CFAP92: variants seen among roughly 807,000 people sequenced by gnomAD.
CFAP92 encodes cilia and flagella associated protein 92 (putative).
A neutral mutation model predicts 106.3 loss-of-function variants in CFAP92; 86 were observed. The observed-to-expected ratio is 0.81, with a 90% CI of 0.68 to 0.97. The LOEUF (loss-of-function observed/expected upper bound fraction) is 0.97. Ranked by LOEUF, CFAP92 falls within the 50% of genes least tolerant of loss-of-function variation. The probability of loss-of-function intolerance (pLI) is 0.00; values close to 1 mark genes in which losing one functional copy is unlikely to be tolerated. For missense variants in CFAP92, 1,204 were observed against 1,283.8 expected, an observed-to-expected ratio of 0.94 and a Z score of 0.95; for synonymous variants, 477 against 506.4, an observed-to-expected ratio of 0.94 and a Z score of 0.78.
the CFAP92 span, among the ~76,000 whole-genome samples, chr3:129,020,289 C>T: frequency 2.0e-5 from 3 of 152,120 alleles, no homozygotes; most frequent in Non-Finnish European, 2.9e-5. Context: ...GCACATACAT[C>T]CCTAATTTAG....
intron 8 of CFAP92, chr3:128,969,791 T>C (rs718612): frequency 0.21 from 32,076 of 152,202 alleles, 3,713 homozygotes; most frequent in Middle Eastern, 0.27. Flanking sequence ...AAAGCTACTG[T>C]GTGCAATAGG....
chr3:128,935,223 G>T lies in CFAP92; in HGVS notation c.2355C>A (p.Tyr785Ter), dbSNP rs940590165. ...CCGTGGGCTGGAAGAGGTGCACGTGGTACAGGATGGCCTCCAGGTCCCCAT... is the reference window on the plus strand; with the variant it reads ...CCGTGGGCTGGAAGAGGTGCACGTGTTACAGGATGGCCTCCAGGTCCCCAT... ...RLYGDLEAIL[Y>*]HVHLFQPTEL... Residue 785 changes from tyrosine to a stop codon, truncating the protein, a stop_gained, in exon 11 of 16, where the codon TAC (tyrosine) becomes TAA (stop). Coordinates refer to ENST00000645291, the MANE Select transcript of CFAP92 (RefSeq NM_001394090.1). LOFTEE classifies it high-confidence loss of function. The T allele has an allele frequency of 6.5e-7, 1 of 1,536,058 alleles. No individual in the cohort carries two copies. Among genetic ancestry groups the T allele is most frequent in the South Asian group, 1.2e-5 (1 of 84,052 alleles).
chr3:128,956,196 T>TAAATAA (rs1941372225), intron 9 of CFAP92, among the ~76,000 whole-genome samples: 2 of 61,714 alleles, frequency 3.2e-5, no homozygotes, highest in African/African-American at 9.2e-5. Context: ...AAAAAAAAAA[T>TAAATAA]AAAAAAAAAA....
At position 128,945,684 on chromosome 3, in the gene CFAP92, C is replaced by G. The variant is rs1419829278; in HGVS notation, c.1645G>C (p.Glu549Gln). ...TTCTGGGACTCAAAGGGGTTGTTCT[C>G]TGTCTCTCTGGGAGAGATGAGGGCC... ...FQALISPRET[E>Q]NNPFESQNKM... The change falls in exon 10 of 16, where the codon GAG becomes CAG. Residue 549 changes from glutamate to glutamine, a missense_variant. Glu to Gln is a conservative substitution (Grantham distance 29, BLOSUM62 2). Transcript: ENST00000645291. 3 of 1,535,972 alleles carry G rather than the reference C, an allele frequency of 2.0e-6. No homozygotes were observed. The highest frequency in any genetic ancestry group is 2.7e-5 in the African/African-American group (2 of 73,016).
Position 128,945,053 on chromosome 3 carries a change from G to T in CFAP92, c.2258+18C>A. ...AGATGCCATCATTTTTATGTAAAAT[G>T]TAAAACAAACCACCTACCAGCTTTG... On this transcript the variant is annotated intron_variant, in intron 10 of 15. Coordinates refer to ENST00000645291, the MANE Select transcript of CFAP92 (RefSeq NM_001394090.1). 6.7e-7 allele frequency: 1 copy of T among 1,490,588 alleles called. No individual in the cohort carries two copies. Among genetic ancestry groups the T allele is most frequent in the South Asian group, 1.3e-5 (1 of 77,032 alleles). 92.3% of individuals were successfully genotyped at this position (1,490,588 alleles called of 1,614,324 possible).
chr3:128,993,363 C>G (rs1041936612), intron 1 of CFAP92, 27 bp from the exon 2 acceptor site: 1 of 1,547,502 alleles, frequency 6.5e-7, no homozygotes, highest in African/African-American at 1.4e-5. Context: ...GAAGGCTGTC[C>G]CCGCCTGTAT....
rs772858470 is a variant in CFAP92 at position 128,993,024 on chromosome 3, C to G, written c.262+19G>C. On this transcript the variant is annotated intron_variant, in intron 2 of 15. Coordinates refer to ENST00000645291, the MANE Select transcript of CFAP92 (RefSeq NM_001394090.1). Reference sequence around the variant, plus strand: ...CCTCCTTTTTTCAGAGGGTGTTAAACTTCTGCTCTAGCACCTACCCATATT... The same window carrying G: ...CCTCCTTTTTTCAGAGGGTGTTAAAGTTCTGCTCTAGCACCTACCCATATT... 5 of 1,613,124 alleles carry G rather than the reference C, an allele frequency of 3.1e-6. No individual in the cohort carries two copies. Among genetic ancestry groups the G allele is most frequent in the Non-Finnish European group, 4.2e-6 (5 of 1,179,178 alleles).
chr3:128,944,954 C>T (rs1559880391), intron 10 of CFAP92, 117 bp downstream of exon 10: 10 of 916,766 alleles, frequency 1.1e-5, no homozygotes, highest in South Asian at 5.3e-5. Context: ...CAATGAACCC[C>T]GAAAGGAGAC....
intron 4 of CFAP92, among the ~76,000 whole-genome samples, chr3:128,980,366 C>CA (rs71153158): frequency 0.016 from 1,631 of 100,590 alleles, 22 homozygotes; most frequent in Non-Finnish European, 0.022. Context: ...GACCCTGTCT[C>CA]AAAAAAAAAA....
intron 12 of CFAP92, among the ~76,000 whole-genome samples, chr3:128,929,246 T>C (rs1264933709): frequency 1.3e-5 from 2 of 152,230 alleles, no homozygotes; most frequent in Admixed American, 1.3e-4. Flanking sequence ...AGAATGGCTA[T>C]AATCAAAAGG....
the CFAP92 span, among the ~76,000 whole-genome samples, chr3:129,023,812 T>C: frequency 2.8e-4 from 42 of 152,314 alleles, no homozygotes; most frequent in Non-Finnish European, 3.5e-4. Context: ...TCCACCCCTC[T>C]CTGAGGTGCA....
chr3:128,962,071 G>A (rs1033355574), intron 9 of CFAP92, among the ~76,000 whole-genome samples: 5 of 152,136 alleles, frequency 3.3e-5, no homozygotes, highest in Admixed American at 2.6e-4. Flanking sequence ...GACCCCACTG[G>A]AAATTGGACT....
In CFAP92 at chr3:128,947,230, GAAA is replaced by G. The variant is rs1210531854; in HGVS notation, c.1354-1258_1354-1256del. Among the ~76,000 whole-genome samples the G allele has an allele frequency of 3.6e-5, 5 of 138,804 alleles. No individual in the cohort carries two copies. In the East Asian group the frequency reaches 1.0e-3, roughly 28 times the overall value. The allele number at this position is 138,804 out of a possible 152,430, so 91.1% of individuals were successfully genotyped here. ...GTCCTGAAAACTTCAAAGCACTGAT[GAAA>G]AAAAAAAAAGATGTAAATAAATGGA... On this transcript the variant is annotated intron_variant, in intron 9 of 15. Coordinates refer to ENST00000645291, the MANE Select transcript of CFAP92 (RefSeq NM_001394090.1).
chr3:128,925,770 A>G (rs946805845), intron 12 of CFAP92, among the ~76,000 whole-genome samples: 8 of 152,194 alleles, frequency 5.3e-5, no homozygotes, highest in Non-Finnish European at 1.0e-4. Flanking sequence ...AAAACTGCCG[A>G]AAACCAAAGA....
At chr3:128,994,271 C>T (rs778632314), upstream of CFAP92, 36 of 394,270 alleles carry the variant, frequency 9.1e-5, no homozygotes, top group Non-Finnish European at 1.2e-4. Context: ...CATTCCTTCA[C>T]TCATGCATTC....
At chr3:129,010,511 G>C in the CFAP92 span, among the ~76,000 whole-genome samples, 1 of 152,148 alleles carries the variant, frequency 6.6e-6, no homozygotes, top group African/African-American at 2.4e-5. The surrounding 1 kb of genome is among the most constrained non-coding windows in gnomAD (Gnocchi z 4.3). Context: ...TGGAGGAAAG[G>C]GGGTGGGAGA....
At chr3:128,969,573 GAA>G (rs375452331) in intron 8 of CFAP92, 3 of 141,968 alleles carry the variant, frequency 2.1e-5, no homozygotes, top group Non-Finnish European at 1.5e-5. Context: ...ACTCCATCTC[GAA>G]AAAAAAAAAA....
chr3:128,985,505 C>T (rs568115605), intron 4 of CFAP92, among the ~76,000 whole-genome samples: 2 of 152,256 alleles, frequency 1.3e-5, no homozygotes, highest in Admixed American at 1.3e-4. Context: ...CCCTAGAACA[C>T]CTTTTCTCCT....
intron 8 of CFAP92, 138 bp from the exon 9 acceptor site, chr3:128,965,833 AAAG>A (rs987918444): frequency 3.0e-5 from 12 of 395,312 alleles, no homozygotes; most frequent in Non-Finnish European, 4.9e-5. Flanking sequence ...AAAAAAAAGA[AAAG>A]AAAGAATTGG....
Sources: gnomAD v4.1 joint callset for allele counts (sites outside exome capture counted in the v4.1 genomes callset) on GRCh38, gnomAD v4.1.1 for gene constraint, Gnocchi (gnomAD v3.1) non-coding constraint, MANE v1.5 for transcripts, NCBI Gene and HGNC (gene_info 2026-07-23, HGNC 2026-07-21) for gene names.